The following MBOAT1 variants were observed in gnomAD, a reference collection of about 807,000 sequenced individuals.
The protein encoded by MBOAT1 is membrane-bound glycerophospholipid O-acyltransferase 1.
In MBOAT1, 67 loss-of-function variants were observed where a neutral mutation model predicts 64.4. The observed-to-expected ratio is 1.04, with a 90% CI of 0.85 to 1.27. MBOAT1 has a LOEUF of 1.27. MBOAT1 is among the 50% of genes most tolerant of loss of function. The pLI is 0.00. For synonymous variants in MBOAT1, 229 were observed against 218.9 expected (o/e 1.05, Z -0.41); for missense variants, 563 against 604.6 (o/e 0.93, Z 0.72).
intron 1 of MBOAT1, among the ~76,000 whole-genome samples, chr6:20,180,010 G>A (rs578257603): frequency 6.6e-6 from 1 of 152,212 alleles, no homozygotes; most frequent in Non-Finnish European, 1.5e-5. Flanking sequence ...CAGCTCACCA[G>A]AACATACACA....
intron 8 of MBOAT1, 63 bp from the exon 9 acceptor site, chr6:20,118,603 A>G: frequency 7.7e-7 from 1 of 1,305,478 alleles, no homozygotes; most frequent in Non-Finnish European, 1.1e-6. Context: ...CTTTTAAAAG[A>G]CACTAAATAT....
At chr6:20,115,471 G>A in intron 9 of MBOAT1, 119 bp from the exon 10 acceptor site, 2 of 760,304 alleles carry the variant, frequency 2.6e-6, no homozygotes, top group Non-Finnish European at 4.5e-6. Flanking sequence ...ACTGCTCACA[G>A]TTGAGAGCAA....
At chr6:20,176,674 AGTGCACTG>A (rs1375361660) in intron 1 of MBOAT1, among the ~76,000 whole-genome samples, 1 of 152,166 alleles carries the variant, frequency 6.6e-6, no homozygotes, top group Non-Finnish European at 1.5e-5. Context: ...CCCAGGCTGG[AGTGCACTG>A]GTGCAATCTC....
intron 1 of MBOAT1, among the ~76,000 whole-genome samples, chr6:20,174,191 T>C (rs11963541): frequency 0.44 from 67,404 of 151,692 alleles, 15,255 homozygotes; most frequent in African/African-American, 0.54. Context: ...TACTTTGGAT[T>C]CTTGGCACCT....
At chr6:20,163,002 GCTTAC>G (rs1404639624) in intron 1 of MBOAT1, among the ~76,000 whole-genome samples, 3 of 152,136 alleles carry the variant, frequency 2.0e-5, no homozygotes, top group Non-Finnish European at 4.4e-5. Flanking sequence ...GAGACTTTTG[GCTTAC>G]CTTATTTTGC....
intron 1 of MBOAT1, among the ~76,000 whole-genome samples, chr6:20,165,397 G>A (rs1761986244): frequency 6.6e-6 from 1 of 152,142 alleles, no homozygotes. Context: ...CTGCAGAGGG[G>A]CTATGAGAAA....
chr6:20,111,944 C>T (rs1356289810), intron 11 of MBOAT1, among the ~76,000 whole-genome samples: 1 of 147,162 alleles, frequency 6.8e-6, no homozygotes, highest in Non-Finnish European at 1.5e-5. Flanking sequence ...GGGAGGGACT[C>T]TTGTCTTGTT....
intron 12 of MBOAT1, among the ~76,000 whole-genome samples, chr6:20,104,275 C>T (rs112032379): frequency 2.6e-5 from 4 of 152,258 alleles, no homozygotes; most frequent in African/African-American, 9.6e-5. Flanking sequence ...TGGTAAGCAA[C>T]GTATGACTGT....
chr6:20,110,219 T>C (rs1450216929), intron 11 of MBOAT1, among the ~76,000 whole-genome samples: 1 of 143,530 alleles, frequency 7.0e-6, no homozygotes, highest in African/African-American at 2.6e-5. Flanking sequence ...CAGGACTCTT[T>C]TTTTTTTTTT....
chr6:20,210,074 A>G (rs895342783), intron 1 of MBOAT1, among the ~76,000 whole-genome samples: 4 of 152,194 alleles, frequency 2.6e-5, no homozygotes, highest in African/African-American at 9.6e-5. Flanking sequence ...ATTTCAGCCA[A>G]TGGGGTTGGT....
At chr6:20,147,195 A>G (rs1294875541) in intron 3 of MBOAT1, among the ~76,000 whole-genome samples, 1 of 152,242 alleles carries the variant, frequency 6.6e-6, no homozygotes, top group East Asian at 1.9e-4. Flanking sequence ...TTGTATATAA[A>G]TTACCCAGTC....
At chr6:20,143,396 G>A (rs183836207) in intron 4 of MBOAT1, among the ~76,000 whole-genome samples, 65 of 152,338 alleles carry the variant, frequency 4.3e-4, no homozygotes, top group African/African-American at 1.5e-3. Context: ...GAAGGTCAAG[G>A]AGGCCTGGGG....
chr6:20,124,336 G>A (rs756753677), intron 8 of MBOAT1, 72 bp downstream of exon 8: 14 of 1,479,750 alleles, frequency 9.5e-6, no homozygotes, highest in East Asian at 2.3e-5. Flanking sequence ...GATCCAAAAC[G>A]TCGTTCTGGC....
intron 1 of MBOAT1, among the ~76,000 whole-genome samples, chr6:20,206,118 G>A (rs1260392146): frequency 6.6e-6 from 1 of 151,614 alleles, no homozygotes; most frequent in Non-Finnish European, 1.5e-5. Context: ...CAAAGCCAAG[G>A]TCAGAAGCAG....
At chr6:20,122,700 G>A (rs1333496459) in intron 8 of MBOAT1, among the ~76,000 whole-genome samples, 1 of 152,056 alleles carries the variant, frequency 6.6e-6, no homozygotes, top group Non-Finnish European at 1.5e-5. Context: ...TTCTGTTTGG[G>A]TGATGAAAAA....
intron 1 of MBOAT1, among the ~76,000 whole-genome samples, chr6:20,157,594 T>C (rs2113704257): frequency 6.6e-6 from 1 of 152,254 alleles, no homozygotes; most frequent in African/African-American, 2.4e-5. Flanking sequence ...AGTGATACTC[T>C]AAGGAACTCA....
intron 1 of MBOAT1, among the ~76,000 whole-genome samples, chr6:20,163,055 G>A (rs1042330668): frequency 2.0e-5 from 3 of 152,136 alleles, no homozygotes; most frequent in African/African-American, 2.4e-5. Context: ...GATTTAGAAC[G>A]AAAGCCCTTT....
intron 1 of MBOAT1, among the ~76,000 whole-genome samples, chr6:20,211,544 C>G (rs927719326): frequency 6.6e-6 from 1 of 152,170 alleles, no homozygotes; most frequent in Non-Finnish European, 1.5e-5. Context: ...TCTCCTCCCC[C>G]TAACCTGTCC....
intron 12 of MBOAT1, among the ~76,000 whole-genome samples, chr6:20,108,357 T>C (rs1321339627): frequency 6.6e-6 from 1 of 152,146 alleles, no homozygotes; most frequent in African/African-American, 2.4e-5. Context: ...TGGCACCCCT[T>C]TGCATAGAAA....
Sources: gnomAD v4.1 joint callset for allele counts (sites outside exome capture counted in the v4.1 genomes callset) on GRCh38, gnomAD v4.1.1 for gene constraint, MANE v1.5 for transcripts, NCBI Gene and HGNC (gene_info 2026-07-23, HGNC 2026-07-21) for gene names.